The following RFX1 variants were observed in gnomAD, a reference collection of about 807,000 sequenced individuals.
The protein encoded by RFX1 is MHC class II regulatory factor RFX1.
Under a neutral mutation model 119.6 loss-of-function variants are expected in RFX1, and 42 were observed. The ratio of observed to expected loss-of-function variants is 0.35; its 90% CI spans 0.27 to 0.45. RFX1 has a LOEUF of 0.45. RFX1 is among the 20% of genes least tolerant of loss of function. The pLI is 1.00. For synonymous variants in RFX1, 628 were observed against 618.5 expected (o/e 1.02, Z -0.23); for missense variants, 1,118 against 1,368.1 (o/e 0.82, Z 2.88).
Position 13,961,640 on chromosome 19 carries a change from G to A in RFX1, c.*1055C>T, listed in dbSNP as rs1219722374. Reference sequence around the variant, plus strand: ...TGTGGACACTTTCACCACCGGGAGAGGGAGCCCCGTGGGCACGGGGACTGG... The same window carrying A: ...TGTGGACACTTTCACCACCGGGAGAAGGAGCCCCGTGGGCACGGGGACTGG... On this transcript the variant is annotated 3_prime_UTR_variant, in exon 21 of 21. Coordinates refer to ENST00000254325, the MANE Select transcript of RFX1 (RefSeq NM_002918.5). 4 of 152,432 alleles carry A rather than the reference G, an allele frequency of 2.6e-5. No individual in the cohort carries two copies. Among genetic ancestry groups the A allele is most frequent in the African/African-American group, 7.3e-5 (3 of 41,272 alleles). The allele number at this position is 152,432 out of a possible 1,614,324, so 9.4% of individuals were successfully genotyped here. A position where few individuals can be genotyped will look rare whatever the true frequency, so the allele number is the denominator to read the frequency against.
intron 1 of RFX1, among the ~76,000 whole-genome samples, chr19:13,996,094 C>T (rs1442068184): frequency 2.0e-5 from 3 of 152,070 alleles, no homozygotes; most frequent in Non-Finnish European, 4.4e-5. Context: ...GGGTGTGTTC[C>T]TCTCCCAGGT....
chr19:13,993,518 C>T lies in RFX1; in HGVS notation c.319+7G>A, dbSNP rs770974510. Reference sequence around the variant, plus strand: ...GAGTTTTCAGGACACACGAGCGCGGCACTTACCAGAGACAGTGACCACGAT... The same window carrying T: ...GAGTTTTCAGGACACACGAGCGCGGTACTTACCAGAGACAGTGACCACGAT... On this transcript the variant is annotated splice_region_variant and intron_variant, in intron 2 of 20. Coordinates refer to ENST00000254325, the MANE Select transcript of RFX1 (RefSeq NM_002918.5). The T allele has an allele frequency of 7.5e-6, 12 of 1,609,196 alleles. No individual in the cohort carries two copies. Among genetic ancestry groups the T allele is most frequent in the Non-Finnish European group, 9.3e-6 (11 of 1,177,662 alleles).
In RFX1 at chr19:13,983,499, T is replaced by C. The variant is rs747558970; in HGVS notation, c.416A>G (p.Gln139Arg). 11 of 1,608,796 alleles carry C rather than the reference T, an allele frequency of 6.8e-6. No homozygotes were observed. In the African/African-American group the frequency reaches 9.4e-5, roughly 14 times the overall value. ...GVPTQVVQQVQGTQQRLLVQT... is the reference protein window; with the variant it reads ...GVPTQVVQQVRGTQQRLLVQT... ...GCCACATCCTACCTGCTGGGTGCCC[T>C]GCACCTGCTGAACCACCTGAGTAGG... The change falls in exon 3 of 21, where the codon CAG becomes CGG. Residue 139 changes from glutamine to arginine, a missense_variant. Physicochemically the swap from Gln to Arg is conservative, Grantham distance 43 (BLOSUM62 1). Around this residue, in one of 5 missense-constraint regions of RFX1, gnomAD observed 542 missense variants for 602.7 expected, o/e 0.90. Coordinates refer to ENST00000254325, the MANE Select transcript of RFX1 (RefSeq NM_002918.5).
Position 13,969,678 on chromosome 19 carries a change from A to C in RFX1, c.1496+316T>G. ...TTGTCTCCAAAAAAAAAAAAAAGTCACGTGTGAGCGTGCTGAATGCTAAAG... is the reference window on the plus strand; with the variant it reads ...TTGTCTCCAAAAAAAAAAAAAAGTCCCGTGTGAGCGTGCTGAATGCTAAAG... On this transcript the variant is annotated intron_variant, in intron 10 of 20. Transcript: ENST00000254325. This position sits in a 1 kb window ranked among gnomAD's most constrained non-coding sequence, Gnocchi z 4.5. The C allele has an allele frequency of 3.8e-6, 1 of 266,310 alleles. No individual in the cohort carries two copies. The highest frequency in any genetic ancestry group is 7.1e-6 in the Non-Finnish European group (1 of 140,298). The allele number at this position is 266,310 out of a possible 1,614,324, so 16.5% of individuals were successfully genotyped here. A position where few individuals can be genotyped will look rare whatever the true frequency, so the allele number is the denominator to read the frequency against.
rs914395772 is a variant in RFX1 at position 13,969,735 on chromosome 19, G to C, written c.1496+259C>G. 12 of 435,644 alleles carry C rather than the reference G, an allele frequency of 2.8e-5. No individual in the cohort carries two copies. Among genetic ancestry groups the C allele is most frequent in the Admixed American group, 1.6e-4 (4 of 25,552 alleles). 27.0% of individuals were successfully genotyped at this position (435,644 alleles called of 1,614,324 possible). A position where few individuals can be genotyped will look rare whatever the true frequency, so the allele number is the denominator to read the frequency against. Reference sequence around the variant, plus strand: ...ATAAAGCAGGGTTGGGGGGTGTCGGGCAGGGGAGAGGGGGAGGCTGCAGTT... The same window carrying C: ...ATAAAGCAGGGTTGGGGGGTGTCGGCCAGGGGAGAGGGGGAGGCTGCAGTT... On this transcript the variant is annotated intron_variant, in intron 10 of 20. Transcript: ENST00000254325. This position sits in a 1 kb window ranked among gnomAD's most constrained non-coding sequence, Gnocchi z 4.5.
chr19:13,979,453 A>G lies in RFX1; in HGVS notation c.828T>C (p.Ala276=), dbSNP rs1382901766. 6.3e-7 allele frequency: 1 copy of G among 1,584,026 alleles called. No homozygotes were observed. Among genetic ancestry groups the G allele is most frequent in the South Asian group, 1.1e-5 (1 of 87,870 alleles). Reference sequence around the variant, plus strand: ...AGGAGGGGGAGACACACACCTCTTGAGCCACGTGGACTGGCTGGAGGCCCT... The same window carrying G: ...AGGAGGGGGAGACACACACCTCTTGGGCCACGTGGACTGGCTGGAGGCCCT... ...TVQGLQPVHV[A]QEVQQLQQVP... Residue 276 remains alanine, a synonymous_variant, in exon 7 of 21, where the codon GCT becomes GCC. Coordinates refer to ENST00000254325, the MANE Select transcript of RFX1 (RefSeq NM_002918.5).
rs758149240 is a variant in RFX1 at position 13,963,045 on chromosome 19, GGAA to G, written c.2725-9_2725-7del. On this transcript the variant is annotated splice_polypyrimidine_tract_variant and splice_region_variant and intron_variant, in intron 19 of 20. Coordinates refer to ENST00000254325, the MANE Select transcript of RFX1 (RefSeq NM_002918.5). The stretch of plus-strand genomic sequence containing the variant: ...GAGGTGGCCAGATTGGCGAACTGGA[GGAA>G]GAAGAGAAGAAAATGGGTGAGGGTC... The G allele has an allele frequency of 1.9e-6, 3 of 1,571,704 alleles. No homozygotes were observed. The highest frequency in any genetic ancestry group is 1.1e-5 in the South Asian group (1 of 87,068).
Position 13,988,249 on chromosome 19 carries a change from ACTC to A in RFX1, c.320-4657_320-4655del, listed in dbSNP as rs570507863. On this transcript the variant is annotated intron_variant, in intron 2 of 20. Transcript: ENST00000254325. ...ATCATGTTGGCCAGGCTGGTCTTGA[ACTC>A]CTGACCTCAGGTGATCCGCCTGCCT... Among the ~76,000 whole-genome samples the A allele has an allele frequency of 5.4e-3, 821 of 151,548 alleles. 8 individuals carry two copies. Among genetic ancestry groups the A allele is most frequent in the African/African-American group, 0.019 (769 of 41,276 alleles).
chr19:13,978,139 T>C, intron 7 of RFX1, 53 bp from the exon 8 acceptor site: 1 of 1,387,096 alleles, frequency 7.2e-7, no homozygotes, highest in Non-Finnish European at 1.0e-6. Flanking sequence ...GCTCCTACGG[T>C]TCTCCCTCTA....
intron 9 of RFX1, among the ~76,000 whole-genome samples, chr19:13,970,856 C>T (rs1448754075): frequency 2.6e-5 from 4 of 151,232 alleles, no homozygotes; most frequent in Non-Finnish European, 5.9e-5. Flanking sequence ...TGGCGGTGTG[C>T]GCCTGTAGTC....
chr19:13,994,712 AAT>A (rs1307681164), intron 1 of RFX1, among the ~76,000 whole-genome samples: 92 of 96,344 alleles, frequency 9.5e-4, no homozygotes, highest in African/African-American at 4.2e-3. Context: ...ACTCTGTCTA[AAT>A]ATATATGTGT....
intron 1 of RFX1, among the ~76,000 whole-genome samples, chr19:14,000,500 G>A (rs992789222): frequency 4.6e-5 from 7 of 151,694 alleles, no homozygotes; most frequent in South Asian, 2.1e-4. Flanking sequence ...ACACACACTC[G>A]CACACATCTC....
intron 2 of RFX1, among the ~76,000 whole-genome samples, chr19:13,988,837 A>G (rs1391598003): frequency 6.6e-6 from 1 of 151,970 alleles, no homozygotes; most frequent in African/African-American, 2.4e-5. Context: ...CCTGGCCAAC[A>G]TGGCAAAACG....
rs1466492460 is a variant in RFX1 at position 13,965,093 on chromosome 19, G to A, written c.2211+356C>T. 6.6e-6 allele frequency among the ~76,000 whole-genome samples: 1 copy of A among 152,206 alleles called. No individual in the cohort carries two copies. Among genetic ancestry groups the A allele is most frequent in the Admixed American group, 6.5e-5 (1 of 15,270 alleles). On this transcript the variant is annotated intron_variant, in intron 16 of 20. Transcript: ENST00000254325. This position sits in a 1 kb window ranked among gnomAD's most constrained non-coding sequence, Gnocchi z 4.7. ...AAGGCAAGTATTATGTTTCCTTATAGATGTTGTTGCCTTTCTTAAAAAGTT... is the reference window on the plus strand; with the variant it reads ...AAGGCAAGTATTATGTTTCCTTATAAATGTTGTTGCCTTTCTTAAAAAGTT...
At chr19:13,963,396 A>C (rs1249117024) in intron 18 of RFX1, 121 bp from the exon 19 acceptor site, 119 of 1,442,190 alleles carry the variant, frequency 8.3e-5, no homozygotes, top group Non-Finnish European at 1.1e-4. Flanking sequence ...GATCCCGCAC[A>C]GCCTTCCCGG....
chr19:13,976,904 G>A (rs1974267666), intron 8 of RFX1, among the ~76,000 whole-genome samples: 1 of 152,150 alleles, frequency 6.6e-6, no homozygotes, highest in Non-Finnish European at 1.5e-5. Context: ...TAGGGAGGCT[G>A]AGGTAAGAGG....
rs185895896 is a variant in RFX1 at position 13,972,726 on chromosome 19, C to T, written c.1314+17G>A. The T allele has an allele frequency of 5.0e-5, 79 of 1,570,546 alleles. 1 individual carries two copies. Among genetic ancestry groups the T allele is most frequent in the South Asian group, 2.4e-4 (20 of 84,722 alleles). On this transcript the variant is annotated intron_variant, in intron 9 of 20. Coordinates refer to ENST00000254325, the MANE Select transcript of RFX1 (RefSeq NM_002918.5). Reference sequence around the variant, plus strand: ...ACCACTGCCTGCCTCCTCTGGGGCCCGCGTTGGGGCACTTACCGTGGCTGG... The same window carrying T: ...ACCACTGCCTGCCTCCTCTGGGGCCTGCGTTGGGGCACTTACCGTGGCTGG...
intron 16 of RFX1, 96 bp from the exon 17 acceptor site, chr19:13,964,103 T>C: frequency 7.5e-7 from 1 of 1,327,538 alleles, no homozygotes; most frequent in Non-Finnish European, 1.0e-6. Context: ...CCTGTTTCCT[T>C]TTTCCTAAAA....
At chr19:13,972,168 CAAA>C (rs1230847191) in intron 9 of RFX1, among the ~76,000 whole-genome samples, 18 of 51,066 alleles carry the variant, frequency 3.5e-4, no homozygotes, top group Non-Finnish European at 3.1e-4. Flanking sequence ...AACCCTGTCT[CAAA>C]AAAAAAAAAA....
Sources: allele counts gnomAD v4.1 joint callset (sites outside exome capture counted in the v4.1 genomes callset), GRCh38; gene constraint gnomAD v4.1.1; regional missense constraint gnomAD v4.1.1; non-coding constraint Gnocchi (gnomAD v3.1); transcripts MANE v1.5; gene names NCBI Gene and HGNC (gene_info 2026-07-23, HGNC 2026-07-21).